EPHA6: variants seen among roughly 807,000 people sequenced by gnomAD.
EPHA6 encodes EPH receptor A6, also known as ephrin type-A receptor 6.
Under a neutral mutation model 112.0 loss-of-function variants are expected in EPHA6, and 50 were observed. That is an observed-to-expected ratio of 0.45 (90% CI 0.36 to 0.56). EPHA6 has a LOEUF of 0.56. Among genes scored for constraint, EPHA6 ranks in the 20% least tolerant of loss-of-function variants. EPHA6 has a pLI of 0.00. For synonymous variants in EPHA6, 529 were observed against 490.7 expected, an observed-to-expected ratio of 1.08 and a Z score of -1.03; for missense variants, 1,280 against 1,417.4, an observed-to-expected ratio of 0.90 and a Z score of 1.56.
intron 6 of EPHA6, among the ~76,000 whole-genome samples, chr3:97,408,205 T>A (rs2087485159): frequency 6.6e-6 from 1 of 152,068 alleles, no homozygotes; most frequent in Non-Finnish European, 1.5e-5. Context: ...CATGGCCTAA[T>A]GATCTCTTAA....
In EPHA6 at chr3:97,213,997, CTGTGTGTGTGTGTGTGTGTG is replaced by C. The variant is rs10557927; in HGVS notation, c.1115-12244_1115-12225del. ...TTATCTAATCATAATCTCATGTGTTCTGTGTGTGTGTGTGTGTGTGTGTGTGTGTGTGTGTGTGTGTGAGA... is the reference window on the plus strand; with the variant it reads ...TTATCTAATCATAATCTCATGTGTTCTGTGTGTGTGTGTGTGTGTGTGAGA... On this transcript the variant is annotated intron_variant, in intron 3 of 17. Coordinates refer to ENST00000389672, the MANE Select transcript of EPHA6 (RefSeq NM_001080448.3). Among the ~76,000 whole-genome samples, 43 of 128,942 alleles carry C rather than the reference CTGTGTGTGTGTGTGTGTGTG, an allele frequency of 3.3e-4. No homozygotes were observed. In the South Asian group the frequency reaches 0.01, roughly 31 times the overall value. The allele number at this position is 128,942 out of a possible 152,430, so 84.6% of individuals were successfully genotyped here. A position where few individuals can be genotyped will look rare whatever the true frequency, so the allele number is the denominator to read the frequency against.
In EPHA6 at chr3:97,243,712, TA is replaced by T. The variant is rs200015399; in HGVS notation, c.1271-239del. 8.1e-3 allele frequency among the ~76,000 whole-genome samples: 1,238 copies of T among 152,046 alleles called. 16 individuals are homozygous for T. Among genetic ancestry groups the T allele is most frequent in the African/African-American group, 0.022 (919 of 41,518 alleles). ...TATGTTTTACAGATATCCTGATTTT[TA>T]TATTAAATATTGAAATTCATACTCC... On this transcript the variant is annotated intron_variant, in intron 4 of 17. Coordinates refer to ENST00000389672, the MANE Select transcript of EPHA6 (RefSeq NM_001080448.3).
intron 3 of EPHA6, among the ~76,000 whole-genome samples, chr3:97,044,431 AT>A (rs1450108564): frequency 6.6e-6 from 1 of 152,150 alleles, no homozygotes; most frequent in Non-Finnish European, 1.5e-5. Flanking sequence ...GCTCAAAACC[AT>A]TTTTGCATAA....
At chr3:97,193,721 A>G (rs1339091519) in intron 3 of EPHA6, among the ~76,000 whole-genome samples, 3 of 152,024 alleles carry the variant, frequency 2.0e-5, no homozygotes, top group Admixed American at 2.0e-4. Context: ...TCCAGATCTT[A>G]GAGGAGAGGC....
At position 97,258,468 on chromosome 3, in the gene EPHA6, T is replaced by C. The variant is rs375851492; in HGVS notation, c.1606+14181T>C. Among the ~76,000 whole-genome samples, 123 of 152,272 alleles carry C rather than the reference T, an allele frequency of 8.1e-4. 4 individuals carry two copies. The South Asian group carries it at 0.025, about 31-fold the overall frequency. The stretch of plus-strand genomic sequence containing the variant: ...TTACAGAAGGCATTGTGTTCAGTTG[T>C]GCAAACCTAAGCATGAATGCCCTGA... On this transcript the variant is annotated intron_variant, in intron 5 of 17. Transcript: ENST00000389672.
chr3:97,505,176 G>T (rs2092216248), intron 10 of EPHA6, among the ~76,000 whole-genome samples: 1 of 151,892 alleles, frequency 6.6e-6, no homozygotes, highest in Admixed American at 6.6e-5. Context: ...TGAAATTCAG[G>T]TTTCTCATTT....
chr3:96,999,547 A>G (rs905407963), intron 3 of EPHA6, among the ~76,000 whole-genome samples: 2 of 151,934 alleles, frequency 1.3e-5, no homozygotes, highest in Non-Finnish European at 2.9e-5. Flanking sequence ...GCTACACATA[A>G]CACAAATAGA....
chr3:97,639,450 T>C (rs776885764), intron 14 of EPHA6, among the ~76,000 whole-genome samples: 1 of 152,104 alleles, frequency 6.6e-6, no homozygotes, highest in Non-Finnish European at 1.5e-5. Flanking sequence ...TTATTTCTAA[T>C]GCTGAAGAAT....
rs539615254 is a variant in EPHA6, at chr3:96,821,283, T to C, written c.385+6275T>C. ...AAAAATTCTTAACACTCTTACACAC[T>C]GTTTTTTAGAAAATTCATATTCTGG... is the stretch of plus-strand genomic sequence containing the variant. On this transcript the variant is annotated intron_variant, in intron 1 of 17. Transcript: ENST00000389672. Among the ~76,000 whole-genome samples, 4 of 152,130 alleles carry C rather than the reference T, an allele frequency of 2.6e-5. No homozygotes were observed. The South Asian group carries it at 8.3e-4, about 31-fold the overall frequency.
At chr3:97,279,776 T>C (rs998697926) in intron 5 of EPHA6, among the ~76,000 whole-genome samples, 1 of 152,220 alleles carries the variant, frequency 6.6e-6, no homozygotes, top group Non-Finnish European at 1.5e-5. Context: ...AGGTCAGAGA[T>C]ATTAGATCAA....
At chr3:96,957,947 T>C (rs1194442207) in intron 2 of EPHA6, among the ~76,000 whole-genome samples, 1 of 152,168 alleles carries the variant, frequency 6.6e-6, no homozygotes, top group Non-Finnish European at 1.5e-5. Flanking sequence ...GTGGTAAAGT[T>C]GCACCTCATA....
intron 3 of EPHA6, among the ~76,000 whole-genome samples, chr3:97,068,157 AAAAAAAAG>A (rs887608413): frequency 3.7e-5 from 5 of 134,118 alleles, no homozygotes; most frequent in Non-Finnish European, 7.6e-5. Context: ...TCCATCTCAA[AAAAAAAAG>A]AAAAAAAAAA....
At chr3:97,114,434 C>T (rs2047820366) in intron 3 of EPHA6, among the ~76,000 whole-genome samples, 1 of 152,044 alleles carries the variant, frequency 6.6e-6, no homozygotes, top group South Asian at 2.1e-4. Flanking sequence ...ATTAATATCT[C>T]TTCCCATGGT....
At chr3:96,970,527 T>A (rs1476802962) in intron 2 of EPHA6, among the ~76,000 whole-genome samples, 4 of 152,090 alleles carry the variant, frequency 2.6e-5, no homozygotes, top group Non-Finnish European at 4.4e-5. Flanking sequence ...GAATCATTAC[T>A]TGAGCAGGAG....
chr3:97,174,073 C>T (rs761193991), intron 3 of EPHA6, among the ~76,000 whole-genome samples: 1 of 149,778 alleles, frequency 6.7e-6, no homozygotes, highest in Non-Finnish European at 1.5e-5. Flanking sequence ...ATCTTTCTAC[C>T]CTGTATGTTC....
chr3:97,428,421 A>G (rs2089296641), intron 6 of EPHA6, among the ~76,000 whole-genome samples: 1 of 152,146 alleles, frequency 6.6e-6, no homozygotes, highest in Non-Finnish European at 1.5e-5. Flanking sequence ...CAGAATTTAT[A>G]TCACTTTAGT....
intron 13 of EPHA6, among the ~76,000 whole-genome samples, chr3:97,624,839 A>G (rs1436781953): frequency 6.6e-6 from 1 of 151,548 alleles, no homozygotes; most frequent in African/African-American, 2.4e-5. Context: ...TTGTTCACAT[A>G]CAATCATTTA....
intron 5 of EPHA6, among the ~76,000 whole-genome samples, chr3:97,293,633 C>G (rs1370105049): frequency 1.3e-5 from 2 of 152,334 alleles, no homozygotes; most frequent in East Asian, 3.9e-4. Context: ...CCTGATGGAT[C>G]CATGAGTGGC....
chr3:97,048,036 TA>T (rs1311427308), intron 3 of EPHA6, among the ~76,000 whole-genome samples: 3 of 152,174 alleles, frequency 2.0e-5, no homozygotes, highest in African/African-American at 7.2e-5. Context: ...ATACAGTTGA[TA>T]AACATATAAA....
Sources: gnomAD v4.1 joint callset for allele counts (sites outside exome capture counted in the v4.1 genomes callset) on GRCh38, gnomAD v4.1.1 for gene constraint, MANE v1.5 for transcripts, NCBI Gene and HGNC (gene_info 2026-07-23, HGNC 2026-07-21) for gene names.